MYO16: variants seen among roughly 807,000 people sequenced by gnomAD.
The protein encoded by MYO16 is unconventional myosin-XVI.
In MYO16, 94 loss-of-function variants were observed where a neutral mutation model predicts 205.3. The observed-to-expected ratio is 0.46, with a 90% CI of 0.39 to 0.54. MYO16 has a LOEUF of 0.54. MYO16 is among the 20% of genes least tolerant of loss of function. MYO16 has a pLI of 0.00. For synonymous variants in MYO16, 988 were observed against 954.0 expected (o/e 1.04, Z -0.66); for missense variants, 2,315 against 2,387.5 (o/e 0.97, Z 0.63).
In MYO16 at chr13:109,179,613, A is replaced by C. The variant is rs1456820241; in HGVS notation, c.5395A>C (p.Arg1799=). 2 of 1,613,128 alleles carry C rather than the reference A, an allele frequency of 1.2e-6. No homozygotes were observed. The highest frequency in any genetic ancestry group is 1.7e-5 in the Admixed American group (1 of 60,002). The change falls in exon 34 of 35, where the codon AGG becomes CGG. Residue 1799 remains arginine, a synonymous_variant. Coordinates refer to ENST00000457511, the MANE Select transcript of MYO16 (RefSeq NM_001198950.3). ...GTGTSTFQRH[R]DSHTTQVIHQ... The stretch of plus-strand genomic sequence containing the variant: ...AGGGACTTCGACATTTCAAAGACAC[A>C]GGGACAGTCACACCACTCAGGTAAT...
At chr13:109,063,021 AAC>A (rs1887638107) in intron 27 of MYO16, among the ~76,000 whole-genome samples, 2 of 152,136 alleles carry the variant, frequency 1.3e-5, no homozygotes, top group Non-Finnish European at 2.9e-5. Flanking sequence ...GAACAACAAC[AAC>A]AAAATGTCCA....
intron 16 of MYO16, among the ~76,000 whole-genome samples, chr13:108,914,868 C>T (rs778553296): frequency 6.6e-6 from 1 of 152,248 alleles, no homozygotes; most frequent in Non-Finnish European, 1.5e-5. Context: ...GTCTTGAACT[C>T]CTGACCTCAA....
intron 23 of MYO16, among the ~76,000 whole-genome samples, chr13:109,022,128 T>C (rs980622975): frequency 6.5e-5 from 9 of 138,918 alleles, no homozygotes; most frequent in African/African-American, 2.2e-4. Flanking sequence ...TACAAATATA[T>C]ATACATATAT....
At position 108,874,727 on chromosome 13, in the gene MYO16, A is replaced by C. The variant is rs529795331; in HGVS notation, c.1426-8332A>C. Among the ~76,000 whole-genome samples the C allele has an allele frequency of 1.1e-3, 162 of 142,590 alleles. 6 individuals carry two copies. The South Asian group carries it at 0.034, about 30-fold the overall frequency. 93.5% of individuals were successfully genotyped at this position (142,590 alleles called of 152,430 possible). ...TATTATTATTATTATTATTATTATT[A>C]TTATTATTATATGTGATCTTTTGTA... is the stretch of plus-strand genomic sequence containing the variant. On this transcript the variant is annotated intron_variant, in intron 12 of 34. Coordinates refer to ENST00000457511, the MANE Select transcript of MYO16 (RefSeq NM_001198950.3).
chr13:108,755,877 G>T (rs1044817460), intron 4 of MYO16, among the ~76,000 whole-genome samples: 2 of 152,162 alleles, frequency 1.3e-5, no homozygotes, highest in Non-Finnish European at 2.9e-5. Context: ...ATCTTGTAAA[G>T]ATGTATTAAA....
chr13:108,918,868 G>A (rs1309379844), intron 16 of MYO16, among the ~76,000 whole-genome samples: 1 of 151,868 alleles, frequency 6.6e-6, no homozygotes, highest in African/African-American at 2.4e-5. Context: ...GAACCTGGGA[G>A]GAGGTGGGGG....
At chr13:109,023,667 G>GTATATATGTATATATA (rs1454571399) in intron 23 of MYO16, among the ~76,000 whole-genome samples, 1 of 53,552 alleles carries the variant, frequency 1.9e-5, no homozygotes. Flanking sequence ...ATGTATATAT[G>GTATATATGTATATATA]CAAATATATG....
chr13:108,593,739 C>T (rs991228163), upstream of MYO16, among the ~76,000 whole-genome samples: 3 of 152,224 alleles, frequency 2.0e-5, no homozygotes, highest in East Asian at 3.9e-4. Flanking sequence ...TTCTCCAAAG[C>T]CGAGGTCAAC....
At chr13:108,951,571 T>C (rs1883150922) in intron 16 of MYO16, among the ~76,000 whole-genome samples, 1 of 152,190 alleles carries the variant, frequency 6.6e-6, no homozygotes, top group African/African-American at 2.4e-5. Flanking sequence ...GATTTGACAC[T>C]TTAAGAACAT....
intron 27 of MYO16, among the ~76,000 whole-genome samples, chr13:109,081,409 A>C (rs184116322): frequency 6.6e-6 from 1 of 152,334 alleles, no homozygotes; most frequent in Non-Finnish European, 1.5e-5. Context: ...ACCTGATGTT[A>C]TTCTACATGT....
Position 109,127,644 on chromosome 13 carries a change from G to T in MYO16, c.4051+94G>T. 5 of 1,276,778 alleles carry T rather than the reference G, an allele frequency of 3.9e-6. No homozygotes were observed. Among genetic ancestry groups the T allele is most frequent in the Non-Finnish European group, 5.4e-6 (5 of 926,252 alleles). 79.1% of individuals were successfully genotyped at this position (1,276,778 alleles called of 1,614,324 possible). Reference sequence around the variant, plus strand: ...CCCATGGCAGTACTGTCGCCCTAATGTATTCTTAATAGAAATAAATCCAAT... The same window carrying T: ...CCCATGGCAGTACTGTCGCCCTAATTTATTCTTAATAGAAATAAATCCAAT... On this transcript the variant is annotated intron_variant, in intron 31 of 34. Coordinates refer to ENST00000457511, the MANE Select transcript of MYO16 (RefSeq NM_001198950.3). This position sits in a 1 kb window ranked among gnomAD's most constrained non-coding sequence, Gnocchi z 4.2.
chr13:108,732,515 A>C (rs564914082), intron 4 of MYO16, among the ~76,000 whole-genome samples: 1 of 152,298 alleles, frequency 6.6e-6, no homozygotes, highest in Admixed American at 6.5e-5. Context: ...ATAGAAAGCT[A>C]TGTGGCAGGG....
chr13:108,955,470 CCCTT>C (rs1194882651), intron 16 of MYO16, among the ~76,000 whole-genome samples: 4 of 152,198 alleles, frequency 2.6e-5, no homozygotes. Context: ...GTCTGCTTCT[CCCTT>C]CCAATTCCAG....
intron 1 of MYO16, among the ~76,000 whole-genome samples, chr13:108,615,043 T>G (rs11843621): frequency 1.9e-3 from 292 of 152,218 alleles, no homozygotes; most frequent in African/African-American, 6.7e-3. Context: ...GAGAAAACAT[T>G]CAAAAATTTT....
At chr13:108,521,888 A>G in the MYO16 span, among the ~76,000 whole-genome samples, 2 of 152,220 alleles carry the variant, frequency 1.3e-5, no homozygotes, top group African/African-American at 4.8e-5. Flanking sequence ...GTACAGTTTC[A>G]TCATTATTAA....
chr13:109,143,437 C>T (rs1169245168), intron 32 of MYO16, among the ~76,000 whole-genome samples: 3 of 152,054 alleles, frequency 2.0e-5, no homozygotes, highest in African/African-American at 4.8e-5. Context: ...TTTCACACAC[C>T]GTGTTTCATT....
At chr13:108,971,206 T>C (rs1467925979) in intron 20 of MYO16, among the ~76,000 whole-genome samples, 1 of 151,998 alleles carries the variant, frequency 6.6e-6, no homozygotes, top group Non-Finnish European at 1.5e-5. Flanking sequence ...TTTGAATCCT[T>C]CTTCAGGGTT....
At chr13:109,086,200 A>C (rs1888431382) in intron 27 of MYO16, among the ~76,000 whole-genome samples, 1 of 152,196 alleles carries the variant, frequency 6.6e-6, no homozygotes, top group Non-Finnish European at 1.5e-5. Flanking sequence ...CAAGCAATCG[A>C]AGGTCACACT....
rs192225880 is a variant in MYO16 at position 109,169,133 on chromosome 13, C to T, written c.5323+4074C>T. Among the ~76,000 whole-genome samples, 295 of 152,276 alleles carry T rather than the reference C, an allele frequency of 1.9e-3. 1 individual carries two copies. The highest frequency in any genetic ancestry group is 3.5e-3 in the Non-Finnish European group (236 of 68,024). On this transcript the variant is annotated intron_variant, in intron 33 of 34. Transcript: ENST00000457511. The stretch of plus-strand genomic sequence containing the variant: ...GTGAGAACATGTAGCATTTTTCTTT[C>T]TGTGTCTTAGTTATTTCACCTAAGA...
Sources: gnomAD v4.1 joint callset for allele counts (sites outside exome capture counted in the v4.1 genomes callset) on GRCh38, gnomAD v4.1.1 for gene constraint, Gnocchi (gnomAD v3.1) non-coding constraint, MANE v1.5 for transcripts, NCBI Gene and HGNC (gene_info 2026-07-23, HGNC 2026-07-21) for gene names.